PPP2R5E: variants seen among roughly 807,000 people sequenced by gnomAD.
PPP2R5E encodes serine/threonine-protein phosphatase 2A 56 kDa regulatory subunit epsilon isoform.
A neutral mutation model predicts 65.3 loss-of-function variants in PPP2R5E; 4 were observed. The ratio of observed to expected loss-of-function variants is 0.06; its 90% CI spans 0.03 to 0.14. The LOEUF is 0.14. Ranked by LOEUF, PPP2R5E falls within the 10% of genes least tolerant of loss-of-function variation. The probability of loss-of-function intolerance (pLI) is 1.00; values close to 1 mark genes in which losing one functional copy is unlikely to be tolerated. For synonymous variants in PPP2R5E, 183 were observed against 187.4 expected (o/e 0.98, Z 0.19); for missense variants, 274 against 556.1 (o/e 0.49, Z 5.10).
chr14:63,487,229 A>G (rs1223215735), intron 2 of PPP2R5E, among the ~76,000 whole-genome samples: 3 of 152,240 alleles, frequency 2.0e-5, no homozygotes, highest in African/African-American at 7.2e-5. Flanking sequence ...CTCAATTTCC[A>G]TAATGTCATA....
At position 63,483,940 on chromosome 14, in the gene PPP2R5E, G is replaced by A. The variant is rs117089225; in HGVS notation, c.158-30055C>T. ...TCTACTAAAAATACAAAAAGTAGAC[G>A]GGACTGGTGGCGCGCGCCTATAGTC... is the stretch of plus-strand genomic sequence containing the variant. On this transcript the variant is annotated intron_variant, in intron 2 of 13. Transcript: ENST00000337537. 7.2e-3 allele frequency among the ~76,000 whole-genome samples: 1,096 copies of A among 152,010 alleles called. 33 individuals are homozygous for A. In the East Asian group the frequency reaches 0.11, roughly 16 times the overall value.
intron 4 of PPP2R5E, among the ~76,000 whole-genome samples, chr14:63,418,266 G>A (rs1951210): frequency 0.17 from 26,146 of 152,004 alleles, 3,728 homozygotes; most frequent in African/African-American, 0.39. Flanking sequence ...GCCCTCTTTC[G>A]ATTGCCACAA....
chr14:63,410,809 C>T (rs1022549018), intron 5 of PPP2R5E, among the ~76,000 whole-genome samples: 2 of 152,182 alleles, frequency 1.3e-5, no homozygotes, highest in Non-Finnish European at 2.9e-5. Context: ...TTCAAGCTCT[C>T]AATGGTGGTG....
chr14:63,453,914 T>C (rs1888987630), intron 2 of PPP2R5E, 29 bp from the exon 3 acceptor site: 3 of 1,410,052 alleles, frequency 2.1e-6, no homozygotes, highest in Non-Finnish European at 2.8e-6. Flanking sequence ...ATGGTGTAAG[T>C]CTGTCATCAA....
At chr14:63,479,850 T>C (rs1890603622) in intron 2 of PPP2R5E, among the ~76,000 whole-genome samples, 1 of 152,210 alleles carries the variant, frequency 6.6e-6, no homozygotes, top group African/African-American at 2.4e-5. Flanking sequence ...TGGTCAAATA[T>C]TGGAAATTTC....
At chr14:63,524,884 T>C (rs1279794759) in intron 2 of PPP2R5E, among the ~76,000 whole-genome samples, 1 of 152,198 alleles carries the variant, frequency 6.6e-6, no homozygotes, top group African/African-American at 2.4e-5. Flanking sequence ...CTCGTAATTT[T>C]TAGAGTACTT....
intron 2 of PPP2R5E, among the ~76,000 whole-genome samples, chr14:63,532,325 A>T (rs1018557521): frequency 1.3e-5 from 2 of 151,730 alleles, no homozygotes; most frequent in Non-Finnish European, 2.9e-5. Flanking sequence ...CTATTCAAAA[A>T]ATGAATAAAT....
Position 63,422,648 on chromosome 14 carries a change from C to A in PPP2R5E, c.355-554G>T, listed in dbSNP as rs369745299. Among the ~76,000 whole-genome samples, 72 of 150,720 alleles carry A rather than the reference C, an allele frequency of 4.8e-4. No homozygotes were observed. The East Asian group carries it at 0.014, about 29-fold the overall frequency. On this transcript the variant is annotated intron_variant, in intron 3 of 13. Coordinates refer to ENST00000337537, the MANE Select transcript of PPP2R5E (RefSeq NM_006246.5). ...GGCTGAGGCAGGAGAATGGCGTGAA[C>A]CCCGGAGGACGGAGCCTGCAGTAAG...
At chr14:63,530,262 T>G (rs1255776) in intron 2 of PPP2R5E, among the ~76,000 whole-genome samples, 93 of 142,008 alleles carry the variant, frequency 6.5e-4, no homozygotes, top group Non-Finnish European at 1.1e-3. Flanking sequence ...GACGGAGTTT[T>G]GCTCTTGTTG....
At chr14:63,522,380 G>C (rs1386706254) in intron 2 of PPP2R5E, among the ~76,000 whole-genome samples, 2 of 151,622 alleles carry the variant, frequency 1.3e-5, no homozygotes, top group Non-Finnish European at 2.9e-5. Context: ...TCTGGGAAGT[G>C]AGGAGCGTCT....
chr14:63,477,932 T>C (rs1198099460), intron 2 of PPP2R5E, among the ~76,000 whole-genome samples: 1 of 151,978 alleles, frequency 6.6e-6, no homozygotes, highest in East Asian at 1.9e-4. Context: ...AACAATGAAG[T>C]CCAACTGATA....
intron 2 of PPP2R5E, among the ~76,000 whole-genome samples, chr14:63,493,285 A>G (rs1891372889): frequency 6.6e-6 from 1 of 151,772 alleles, no homozygotes. Context: ...CTGGGACTAC[A>G]GGCACTTGCC....
chr14:63,392,010 C>T lies in PPP2R5E; in HGVS notation c.865G>A (p.Val289Ile), dbSNP rs368179547. The change falls in exon 9 of 14, where the codon GTA (valine) becomes ATA (isoleucine). Residue 289 changes from valine (V) to isoleucine (I), a missense_variant. Val to Ile is a conservative substitution (Grantham distance 29). Coordinates refer to ENST00000337537, the MANE Select transcript of PPP2R5E (RefSeq NM_006246.5). ...LFHAQLAYCI[V>I]QFLEKDPSLT... Reference sequence around the variant, plus strand: ...GAAGGATCTTTCTCCAGAAACTGTACTATACAATATGCCAGCTGAGTAAAA... The same window carrying T: ...GAAGGATCTTTCTCCAGAAACTGTATTATACAATATGCCAGCTGAGTAAAA... The T allele has an allele frequency of 3.7e-6, 6 of 1,607,888 alleles. No homozygotes were observed. The African/African-American group carries it at 6.7e-5, about 18-fold the overall frequency.
At chr14:63,418,838 T>C (rs1886843497) in intron 4 of PPP2R5E, among the ~76,000 whole-genome samples, 1 of 149,808 alleles carries the variant, frequency 6.7e-6, no homozygotes, top group Non-Finnish European at 1.5e-5. Flanking sequence ...AGTAATTTTT[T>C]TACTTTTTTT....
At position 63,393,877 on chromosome 14, in the gene PPP2R5E, C is replaced by T. The variant is rs761919784; in HGVS notation, c.792G>A (p.Leu264=). Residue 264 remains leucine, a synonymous_variant, in exon 8 of 14, where the codon CTG becomes CTA. Coordinates refer to ENST00000337537, the MANE Select transcript of PPP2R5E (RefSeq NM_006246.5). ...LPLKAEHKQF[L]VKVLIPLHTV... ...TGTGTAAAGGGATCAATACTTTCAC[C>T]AGAAACTGTTTGTGTTCTGCCTTAA... is the stretch of plus-strand genomic sequence containing the variant. 4 of 1,612,152 alleles carry T rather than the reference C, an allele frequency of 2.5e-6. No homozygotes were observed. The East Asian group carries it at 8.9e-5, about 36-fold the overall frequency.
intron 3 of PPP2R5E, among the ~76,000 whole-genome samples, chr14:63,436,517 G>T (rs1407152122): frequency 6.6e-6 from 1 of 152,206 alleles, no homozygotes. Context: ...GAGCTAGTTG[G>T]TGAGTAATTA....
intron 4 of PPP2R5E, among the ~76,000 whole-genome samples, chr14:63,421,372 G>C (rs1452060367): frequency 6.6e-6 from 1 of 152,182 alleles, no homozygotes; most frequent in Non-Finnish European, 1.5e-5. Context: ...ATACAATACA[G>C]ATGGCTCTAA....
At chr14:63,493,191 T>C (rs756885997) in intron 2 of PPP2R5E, among the ~76,000 whole-genome samples, 2 of 151,568 alleles carry the variant, frequency 1.3e-5, no homozygotes, top group Non-Finnish European at 2.9e-5. Context: ...CAGATAACTC[T>C]TTTTTGGTTT....
chr14:63,432,504 A>C (rs1182359559), intron 3 of PPP2R5E, among the ~76,000 whole-genome samples: 1 of 152,238 alleles, frequency 6.6e-6, no homozygotes, highest in Non-Finnish European at 1.5e-5. Context: ...TCAAATGTAA[A>C]TATAGGCATG....
Sources: allele counts gnomAD v4.1 joint callset (sites outside exome capture counted in the v4.1 genomes callset), GRCh38; gene constraint gnomAD v4.1.1; transcripts MANE v1.5; gene names NCBI Gene and HGNC (gene_info 2026-07-23, HGNC 2026-07-21).